Variants in STARD3NL observed in about 807,000 individuals in gnomAD.
STARD3NL encodes the protein STARD3 N-terminal like, also known as STARD3 N-terminal-like protein.
STARD3NL carries 17 observed loss-of-function variants against 30.9 expected under a neutral mutation model. The ratio of observed to expected loss-of-function variants is 0.55; its 90% CI spans 0.38 to 0.82. The LOEUF (loss-of-function observed/expected upper bound fraction) is 0.82, where lower values mean the gene tolerates loss of function less well. Among genes scored for constraint, STARD3NL ranks in the 40% least tolerant of loss-of-function variants. The pLI is 0.00. For synonymous variants in STARD3NL, 112 were observed against 100.5 expected (o/e 1.11, Z -0.69); for missense variants, 234 against 277.6 (o/e 0.84, Z 1.12).
chr7:38,181,997 A>G (rs888278649), intron 1 of STARD3NL, among the ~76,000 whole-genome samples: 1 of 152,160 alleles, frequency 6.6e-6, no homozygotes, highest in African/African-American at 2.4e-5. Flanking sequence ...GTGTCTCTAT[A>G]ACAGAAGCCT....
intron 6 of STARD3NL, among the ~76,000 whole-genome samples, chr7:38,218,546 T>G (rs1191024418): frequency 3.3e-5 from 5 of 152,250 alleles, no homozygotes; most frequent in African/African-American, 1.2e-4. Context: ...TGACTGAGGC[T>G]TGAATGGTTA....
intron 7 of STARD3NL, among the ~76,000 whole-genome samples, chr7:38,221,688 T>C (rs1302316801): frequency 6.6e-6 from 1 of 152,246 alleles, no homozygotes; most frequent in Admixed American, 6.5e-5. Context: ...GCCAGTCCCC[T>C]GCTCAAAAGC....
intron 1 of STARD3NL, among the ~76,000 whole-genome samples, chr7:38,181,113 C>G (rs1013204959): frequency 6.6e-6 from 1 of 152,158 alleles, no homozygotes; most frequent in African/African-American, 2.4e-5. Context: ...GAACAATGAA[C>G]AGGTATAAAC....
chr7:38,220,816 A>G (rs117337251), intron 7 of STARD3NL, among the ~76,000 whole-genome samples: 5,824 of 152,322 alleles, frequency 0.038, 168 homozygotes, highest in Non-Finnish European at 0.058. Context: ...TTAAAAAGGA[A>G]TGGAAAGCTG....
At chr7:38,221,465 A>G (rs1786458701) in intron 7 of STARD3NL, among the ~76,000 whole-genome samples, 2 of 152,158 alleles carry the variant, frequency 1.3e-5, no homozygotes, top group Admixed American at 6.5e-5. Flanking sequence ...GATGTTTGCT[A>G]AGTGCCTCCA....
At chr7:38,214,743 A>G (rs573778303) in intron 3 of STARD3NL, among the ~76,000 whole-genome samples, 77 of 152,354 alleles carry the variant, frequency 5.1e-4, no homozygotes, top group Non-Finnish European at 8.4e-4. Context: ...ATATCTAGTC[A>G]CTGAAAGGAA....
intron 1 of STARD3NL, among the ~76,000 whole-genome samples, chr7:38,188,877 C>T (rs147309038): frequency 1.7e-3 from 266 of 152,200 alleles, no homozygotes; most frequent in African/African-American, 6.1e-3. Context: ...AGTCGGAGTT[C>T]GGGAGATAAA....
At chr7:38,193,693 T>A (rs1215684660) in intron 1 of STARD3NL, among the ~76,000 whole-genome samples, 1 of 152,228 alleles carries the variant, frequency 6.6e-6, no homozygotes, top group East Asian at 1.9e-4. Flanking sequence ...GTTGTGAGGT[T>A]TAAATGACAT....
rs964861816 is a variant in STARD3NL at position 38,213,418 on chromosome 7, T to A, written c.226-939T>A. ...CATTTTTGCATAACAAATACAAATA[T>A]GTGAAATGATACCTAAGCTAGGAAT... is the stretch of plus-strand genomic sequence containing the variant. On this transcript the variant is annotated intron_variant, in intron 2 of 8. Transcript: ENST00000009041. 2.0e-5 allele frequency among the ~76,000 whole-genome samples: 3 copies of A among 152,196 alleles called. No homozygotes were observed. The East Asian group carries it at 5.8e-4, about 29-fold the overall frequency.
intron 1 of STARD3NL, among the ~76,000 whole-genome samples, chr7:38,202,963 C>T (rs1224023960): frequency 6.6e-6 from 1 of 151,978 alleles, no homozygotes; most frequent in Non-Finnish European, 1.5e-5. Flanking sequence ...TTTCTTAATC[C>T]AGTCTATCAT....
intron 1 of STARD3NL, among the ~76,000 whole-genome samples, chr7:38,188,725 T>G (rs1784562938): frequency 6.6e-6 from 1 of 152,242 alleles, no homozygotes; most frequent in African/African-American, 2.4e-5. Context: ...TCGTAAATTA[T>G]GAAAACATTG....
intron 8 of STARD3NL, 146 bp downstream of exon 8, chr7:38,229,017 T>C: frequency 1.8e-6 from 1 of 545,086 alleles, no homozygotes; most frequent in Non-Finnish European, 3.2e-6. Context: ...CACATTTTAT[T>C]AATGCCAAGT....
At chr7:38,210,695 C>G (rs1785748880) in intron 2 of STARD3NL, among the ~76,000 whole-genome samples, 1 of 152,170 alleles carries the variant, frequency 6.6e-6, no homozygotes, top group African/African-American at 2.4e-5. Context: ...CAGACTCTCT[C>G]CTACACTCTG....
At chr7:38,182,153 C>T (rs542501764) in intron 1 of STARD3NL, among the ~76,000 whole-genome samples, 1 of 152,188 alleles carries the variant, frequency 6.6e-6, no homozygotes, top group Admixed American at 6.5e-5. Context: ...TATATACGTG[C>T]ACAGTTTTTT....
At chr7:38,204,368 C>T (rs1785338793) in intron 1 of STARD3NL, among the ~76,000 whole-genome samples, 1 of 152,206 alleles carries the variant, frequency 6.6e-6, no homozygotes, top group African/African-American at 2.4e-5. Context: ...AACTGAACAA[C>T]CTGCTCCTGA....
chr7:38,207,500 C>T lies in STARD3NL; in HGVS notation c.-5C>T, dbSNP rs1234501157. The T allele has an allele frequency of 6.2e-7, 1 of 1,613,476 alleles. No individual in the cohort carries two copies. Among genetic ancestry groups the T allele is most frequent in the African/African-American group, 1.3e-5 (1 of 74,896 alleles). The stretch of plus-strand genomic sequence containing the variant: ...GGAAAAAGGCTCCTGTAACCCTCCT[C>T]CAGGATGAACCACCTGCCAGAAGAC... On this transcript the variant is annotated 5_prime_UTR_variant, in exon 2 of 9. Transcript: ENST00000009041.
intron 1 of STARD3NL, among the ~76,000 whole-genome samples, chr7:38,202,497 A>T (rs1785229530): frequency 1.3e-5 from 2 of 152,302 alleles, no homozygotes; most frequent in South Asian, 4.1e-4. Flanking sequence ...GGAGGGGGAA[A>T]ATATAATCTC....
At chr7:38,189,510 G>C (rs1400768081) in intron 1 of STARD3NL, among the ~76,000 whole-genome samples, 2 of 152,138 alleles carry the variant, frequency 1.3e-5, no homozygotes, top group Non-Finnish European at 2.9e-5. Flanking sequence ...AACAAATGAA[G>C]GAGCAACTTG....
intron 1 of STARD3NL, among the ~76,000 whole-genome samples, chr7:38,202,828 G>GT (rs1396314419): frequency 1.3e-5 from 2 of 149,832 alleles, no homozygotes; most frequent in African/African-American, 2.5e-5. Context: ...GCGGTGTTTG[G>GT]TTTTTTGTCC....
Sources: gnomAD v4.1 joint callset for allele counts (sites outside exome capture counted in the v4.1 genomes callset) on GRCh38, gnomAD v4.1.1 for gene constraint, MANE v1.5 for transcripts, NCBI Gene and HGNC (gene_info 2026-07-23, HGNC 2026-07-21) for gene names.